Variants in RP1 observed in about 807,000 individuals in gnomAD.
RP1 encodes the protein RP1 axonemal microtubule associated.
RP1 carries 16 observed loss-of-function variants against 14.8 expected under a neutral mutation model. The ratio of observed to expected loss-of-function variants is 1.08; its 90% CI spans 0.73 to 1.65. RP1 has a LOEUF of 1.65. Ranked by LOEUF, RP1 falls within the 40% of genes most tolerant of loss-of-function variation. The probability of loss-of-function intolerance (pLI) is 0.00; values close to 1 mark genes in which losing one functional copy is unlikely to be tolerated. For missense variants in RP1, 2,631 were observed against 2,535.0 expected (o/e 1.04, Z -0.81); for synonymous variants, 876 against 883.6 (o/e 0.99, Z 0.15).
At chr8:54,624,627 T>C in intron 3 of RP1, 43 bp from the exon 4 acceptor site, 1 of 1,601,852 alleles carries the variant, frequency 6.2e-7, no homozygotes. Context: ...CCTTCCATAT[T>C]ATATTTTGAT....
At chr8:54,682,085 T>C (rs1318061805) in intron 12 of RP1, among the ~76,000 whole-genome samples, 2 of 152,070 alleles carry the variant, frequency 1.3e-5, no homozygotes, top group African/African-American at 4.8e-5. Flanking sequence ...GGCCAAATGG[T>C]GTTTCTGCTT....
chr8:54,816,119 A>G (rs1468739140), intron 24 of RP1, among the ~76,000 whole-genome samples: 1 of 152,186 alleles, frequency 6.6e-6, no homozygotes, highest in African/African-American at 2.4e-5. Flanking sequence ...TTAAAAATAA[A>G]ACCCTCACTC....
chr8:54,562,765 T>G (rs901396393), intron 1 of RP1, among the ~76,000 whole-genome samples: 14 of 152,200 alleles, frequency 9.2e-5, no homozygotes, highest in African/African-American at 2.9e-4. Flanking sequence ...CATTAATTGA[T>G]CAAAAATCAT....
intron 7 of RP1, among the ~76,000 whole-genome samples, chr8:54,670,519 ATG>A (rs1320392269): frequency 1.5e-5 from 1 of 66,656 alleles, no homozygotes; most frequent in Non-Finnish European, 3.9e-5. Flanking sequence ...ATATATATGT[ATG>A]TGTATATATA....
chr8:54,709,049 G>C (rs1243200023), intron 15 of RP1, among the ~76,000 whole-genome samples: 1 of 152,142 alleles, frequency 6.6e-6, no homozygotes, highest in Non-Finnish European at 1.5e-5. Context: ...ATCTCACCCA[G>C]AGTCCCCAGG....
intron 25 of RP1, among the ~76,000 whole-genome samples, chr8:54,839,580 A>G (rs1288952917): frequency 6.6e-6 from 1 of 152,160 alleles, no homozygotes; most frequent in Non-Finnish European, 1.5e-5. Flanking sequence ...ATCTTTGCTC[A>G]GCATTTCAGT....
intron 7 of RP1, among the ~76,000 whole-genome samples, chr8:54,670,669 T>TATATATATA (rs1807153469): frequency 1.6e-5 from 1 of 63,534 alleles, no homozygotes; most frequent in African/African-American, 8.4e-5. Context: ...ATATATATGT[T>TATATATATA]TTTATATATA....
At chr8:54,719,917 G>A (rs1311420091) in intron 15 of RP1, among the ~76,000 whole-genome samples, 6 of 152,130 alleles carry the variant, frequency 3.9e-5, no homozygotes, top group African/African-American at 7.2e-5. Context: ...TTGTCCAAAG[G>A]CATGTGTCCT....
chr8:54,840,868 A>G (rs984359014), intron 25 of RP1, among the ~76,000 whole-genome samples: 2 of 152,218 alleles, frequency 1.3e-5, no homozygotes, highest in Non-Finnish European at 2.9e-5. Flanking sequence ...GCAGAAGAAT[A>G]TAATGTAATA....
intron 21 of RP1, among the ~76,000 whole-genome samples, chr8:54,756,252 A>T (rs1809501713): frequency 6.6e-6 from 1 of 152,228 alleles, no homozygotes. Context: ...ATAGACAAAC[A>T]TAAGTCTTTC....
intron 12 of RP1, chr8:54,697,092 G>T (rs1174182636): frequency 6.4e-7 from 1 of 1,570,112 alleles, no homozygotes; most frequent in African/African-American, 1.3e-5. Context: ...GGCACACCTG[G>T]CTATCGGGGT....
At chr8:54,711,365 T>C (rs1290088410) in intron 15 of RP1, among the ~76,000 whole-genome samples, 1 of 152,198 alleles carries the variant, frequency 6.6e-6, no homozygotes, top group South Asian at 2.1e-4. Flanking sequence ...TGGAAGATTA[T>C]TGCATTGGAA....
intron 4 of RP1, chr8:54,652,690 C>T: frequency 2.5e-6 from 2 of 796,308 alleles, no homozygotes; most frequent in South Asian, 1.5e-5. Flanking sequence ...TGAATTGACC[C>T]CTTTATCAAC....
chr8:54,699,681 T>C (rs950803846), intron 13 of RP1: 4 of 446,914 alleles, frequency 9.0e-6, no homozygotes, highest in Non-Finnish European at 1.5e-5. Context: ...GTACTAGCAC[T>C]TTTTTCATTC....
chr8:54,636,603 T>G (rs1047246995), intron 3 of RP1, among the ~76,000 whole-genome samples: 1 of 152,112 alleles, frequency 6.6e-6, no homozygotes, highest in Admixed American at 6.5e-5. Context: ...CTGGGCCTGG[T>G]CGTGGGCGCC....
At chr8:54,712,413 CT>C (rs1563355270) in intron 15 of RP1, among the ~76,000 whole-genome samples, 1 of 152,106 alleles carries the variant, frequency 6.6e-6, no homozygotes, top group Non-Finnish European at 1.5e-5. Context: ...CTGTGGTGTC[CT>C]AGCTCTTCAC....
chr8:54,859,649 T>G (rs911877467), intron 27 of RP1, among the ~76,000 whole-genome samples: 2 of 152,042 alleles, frequency 1.3e-5, no homozygotes, highest in Admixed American at 6.6e-5. Flanking sequence ...AGTGTCACTG[T>G]AGACGGGTGT....
intron 15 of RP1, among the ~76,000 whole-genome samples, chr8:54,716,679 A>T (rs772002952): frequency 3.9e-5 from 6 of 152,118 alleles, no homozygotes; most frequent in Non-Finnish European, 7.4e-5. Context: ...TCCTCTCAAT[A>T]ATTGAGTCTG....
chr8:54,723,340 G>A (rs1049904911), intron 16 of RP1, among the ~76,000 whole-genome samples: 2 of 152,134 alleles, frequency 1.3e-5, no homozygotes, highest in Non-Finnish European at 2.9e-5. Context: ...AAAGACAAGA[G>A]ATTCCGTCTC....
Sources: gnomAD v4.1 joint callset for allele counts (sites outside exome capture counted in the v4.1 genomes callset) on GRCh38, gnomAD v4.1.1 for gene constraint, MANE v1.5 for transcripts, NCBI Gene and HGNC (gene_info 2026-07-23, HGNC 2026-07-21) for gene names.